Variants in SLC10A2 observed in about 807,000 individuals in gnomAD.
SLC10A2 encodes solute carrier family 10 member 2.
In SLC10A2, 34 loss-of-function variants were observed where a neutral mutation model predicts 27.1. That is an observed-to-expected ratio of 1.26 (90% CI 0.96 to 1.67). The LOEUF is 1.67. SLC10A2 is among the 40% of genes most tolerant of loss of function. The pLI, the probability that SLC10A2 is intolerant of heterozygous loss-of-function variation, is 0.00. For synonymous variants in SLC10A2, 205 were observed against 174.0 expected, an observed-to-expected ratio of 1.18 and a Z score of -1.40; for missense variants, 530 against 444.4, an observed-to-expected ratio of 1.19 and a Z score of -1.73.
intron 2 of SLC10A2, among the ~76,000 whole-genome samples, chr13:103,054,593 C>T (rs1309325547): frequency 8.3e-6 from 1 of 121,038 alleles, no homozygotes; most frequent in African/African-American, 2.7e-5. Flanking sequence ...TGTTTGGCCC[C>T]TCCTGCTAAG....
intron 1 of SLC10A2, among the ~76,000 whole-genome samples, chr13:103,062,721 A>G (rs1285574209): frequency 6.6e-6 from 1 of 152,170 alleles, no homozygotes; most frequent in East Asian, 1.9e-4. Context: ...GAAGCTGAAA[A>G]ATCTAACAGC....
intron 4 of SLC10A2, among the ~76,000 whole-genome samples, chr13:103,050,126 G>A (rs1249764356): frequency 1.3e-5 from 2 of 152,152 alleles, no homozygotes; most frequent in African/African-American, 4.8e-5. Context: ...TCCAGCCTGG[G>A]CGACAGAATG....
intron 1 of SLC10A2, among the ~76,000 whole-genome samples, chr13:103,061,339 TTTTTA>T (rs1219203102): frequency 6.6e-6 from 1 of 152,076 alleles, no homozygotes; most frequent in Non-Finnish European, 1.5e-5. Context: ...GTTCTCTTTT[TTTTTA>T]TTTTATTTTA....
intron 4 of SLC10A2, among the ~76,000 whole-genome samples, chr13:103,050,475 C>A (rs1309688522): frequency 1.3e-5 from 2 of 152,236 alleles, no homozygotes; most frequent in Admixed American, 1.3e-4. Flanking sequence ...AGTGTGAAAC[C>A]CATTTTAATA....
chr13:103,058,774 C>T (rs534543035), intron 1 of SLC10A2, among the ~76,000 whole-genome samples: 14 of 152,282 alleles, frequency 9.2e-5, no homozygotes, highest in African/African-American at 1.7e-4. Context: ...CATGTTCCTG[C>T]AAAAGACTTG....
chr13:103,057,618 A>C (rs1212790486), intron 2 of SLC10A2, among the ~76,000 whole-genome samples: 1 of 152,140 alleles, frequency 6.6e-6, no homozygotes, highest in Middle Eastern at 3.2e-3. Context: ...GTGGTGGCTC[A>C]TGCATGTTAT....
intron 2 of SLC10A2, among the ~76,000 whole-genome samples, chr13:103,054,817 G>A (rs1886926): frequency 5.9e-5 from 9 of 152,156 alleles, no homozygotes; most frequent in Admixed American, 5.2e-4. Context: ...TGTAACTTTG[G>A]TCTCCAGTGG....
intron 5 of SLC10A2, among the ~76,000 whole-genome samples, chr13:103,048,599 A>G (rs1875680934): frequency 6.6e-6 from 1 of 152,126 alleles, no homozygotes; most frequent in Non-Finnish European, 1.5e-5. Context: ...AATAGAATGT[A>G]AAAATAGAGG....
intron 5 of SLC10A2, among the ~76,000 whole-genome samples, chr13:103,047,891 C>A (rs1204528589): frequency 6.6e-6 from 1 of 151,948 alleles, no homozygotes; most frequent in African/African-American, 2.4e-5. Context: ...CCACTGTGTG[C>A]CAAATTGGGC....
chr13:103,052,791 A>G (rs1380097084), intron 2 of SLC10A2, 83 bp from the exon 3 acceptor site: 2 of 848,124 alleles, frequency 2.4e-6, no homozygotes, highest in Non-Finnish European at 4.1e-6. Flanking sequence ...AGCCTGAAGA[A>G]AGATTAGGTG....
intron 1 of SLC10A2, among the ~76,000 whole-genome samples, chr13:103,063,415 T>A (rs893210260): frequency 2.0e-5 from 3 of 152,186 alleles, no homozygotes; most frequent in Non-Finnish European, 2.9e-5. Context: ...TAAACAGTCA[T>A]GTCTTCATGC....
chr13:103,048,068 A>G (rs1377276624), intron 5 of SLC10A2, among the ~76,000 whole-genome samples: 1 of 152,166 alleles, frequency 6.6e-6, no homozygotes, highest in Non-Finnish European at 1.5e-5. Flanking sequence ...TGCAGAGGAG[A>G]TCAGCATCAC....
At chr13:103,064,687 A>G (rs1383995639) in intron 1 of SLC10A2, among the ~76,000 whole-genome samples, 1 of 152,126 alleles carries the variant, frequency 6.6e-6, no homozygotes, top group Non-Finnish European at 1.5e-5. Context: ...ATCGTGGTTC[A>G]CAGATTAACT....
intron 1 of SLC10A2, among the ~76,000 whole-genome samples, chr13:103,062,818 G>T (rs1035617186): frequency 2.6e-5 from 4 of 152,144 alleles, no homozygotes; most frequent in Non-Finnish European, 5.9e-5. Flanking sequence ...GAAGGAACTG[G>T]GGGCAACTGG....
chr13:103,055,078 G>C (rs1416729575), intron 2 of SLC10A2, among the ~76,000 whole-genome samples: 3 of 152,200 alleles, frequency 2.0e-5, no homozygotes, highest in Non-Finnish European at 4.4e-5. Flanking sequence ...CTGGGAGCCA[G>C]ATAGATTTGG....
intron 2 of SLC10A2, among the ~76,000 whole-genome samples, chr13:103,057,460 A>T (rs1193210289): frequency 1.3e-5 from 2 of 152,208 alleles, no homozygotes; most frequent in East Asian, 3.8e-4. Context: ...CCATTAAATC[A>T]ACTTTTGGGT....
chr13:103,048,697 C>T (rs905116938), intron 5 of SLC10A2, among the ~76,000 whole-genome samples: 1 of 152,092 alleles, frequency 6.6e-6, no homozygotes, highest in Non-Finnish European at 1.5e-5. Flanking sequence ...TGATGGGAAA[C>T]GCTGGGAGCT....
intron 5 of SLC10A2, among the ~76,000 whole-genome samples, chr13:103,046,805 G>A (rs1371961959): frequency 6.6e-6 from 1 of 152,144 alleles, no homozygotes; most frequent in Non-Finnish European, 1.5e-5. Flanking sequence ...GCATTTCTCA[G>A]CTTATTTTTA....
chr13:103,055,580 CA>C (rs1773612394), intron 2 of SLC10A2, among the ~76,000 whole-genome samples: 1 of 152,158 alleles, frequency 6.6e-6, no homozygotes, highest in Admixed American at 6.5e-5. Flanking sequence ...GAAAAACCAA[CA>C]GCAAAAAGGT....
Sources: allele counts gnomAD v4.1 joint callset (sites outside exome capture counted in the v4.1 genomes callset), GRCh38; gene constraint gnomAD v4.1.1; transcripts MANE v1.5; gene names NCBI Gene and HGNC (gene_info 2026-07-23, HGNC 2026-07-21).